The following GRTP1 variants were observed in gnomAD, a reference collection of about 807,000 sequenced individuals.
The protein encoded by GRTP1 is growth hormone regulated TBC protein 1.
A neutral mutation model predicts 38.1 loss-of-function variants in GRTP1; 56 were observed. That is an observed-to-expected ratio of 1.47 (90% confidence interval 1.19 to 1.84). GRTP1 has a LOEUF of 1.84. Among genes scored for constraint, GRTP1 ranks in the 40% most tolerant of loss-of-function variants. The probability of loss-of-function intolerance (pLI) is 0.00; values close to 1 mark genes in which losing one functional copy is unlikely to be tolerated. For missense variants in GRTP1, 506 were observed against 453.9 expected, an observed-to-expected ratio of 1.11 and a Z score of -1.04; for synonymous variants, 217 against 189.5, an observed-to-expected ratio of 1.14 and a Z score of -1.19.
intron 4 of GRTP1, among the ~76,000 whole-genome samples, chr13:113,346,036 A>AGGAGCACC (rs2043104702): frequency 3.3e-5 from 1 of 30,338 alleles, no homozygotes; most frequent in African/African-American, 1.2e-4. Flanking sequence ...CTGGGAAGAC[A>AGGAGCACC]TCTGTGGCCG....
At chr13:113,335,403 A>G (rs957202622) in intron 5 of GRTP1, among the ~76,000 whole-genome samples, 9 of 147,742 alleles carry the variant, frequency 6.1e-5, no homozygotes, top group African/African-American at 2.2e-4. Context: ...AGCCTGAGAG[A>G]CAGAGCGGGA....
At chr13:113,337,134 A>G (rs767855601) in intron 5 of GRTP1, among the ~76,000 whole-genome samples, 1 of 151,654 alleles carries the variant, frequency 6.6e-6, no homozygotes, top group Non-Finnish European at 1.5e-5. Context: ...TCTGTACTCA[A>G]AATAAAAAAA....
chr13:113,361,101 C>CT (rs1299766880), intron 2 of GRTP1, among the ~76,000 whole-genome samples: 1 of 84,416 alleles, frequency 1.2e-5, no homozygotes, highest in East Asian at 3.6e-4. Context: ...CAGAGCTAGA[C>CT]TTTGACTCAA....
At chr13:113,328,994 A>T (rs1050047723) in intron 5 of GRTP1, among the ~76,000 whole-genome samples, 1 of 152,260 alleles carries the variant, frequency 6.6e-6, no homozygotes, top group East Asian at 1.9e-4. Flanking sequence ...CCTGCCCAGA[A>T]GCCTGAAGGT....
intron 4 of GRTP1, among the ~76,000 whole-genome samples, chr13:113,350,616 C>A (rs1366162470): frequency 4.6e-5 from 7 of 152,126 alleles, no homozygotes; most frequent in Non-Finnish European, 1.0e-4. Context: ...AGCACTCGCC[C>A]TCTGTGTCCC....
intron 5 of GRTP1, among the ~76,000 whole-genome samples, chr13:113,339,061 A>G (rs1307508704): frequency 3.3e-5 from 5 of 151,878 alleles, no homozygotes; most frequent in Non-Finnish European, 7.4e-5. Flanking sequence ...TTACAGGTGC[A>G]CTGCACCATG....
At chr13:113,354,819 GC>G (rs1197913271) in intron 3 of GRTP1, among the ~76,000 whole-genome samples, 5 of 152,216 alleles carry the variant, frequency 3.3e-5, no homozygotes, top group African/African-American at 1.2e-4. Context: ...GAGCCACCGC[GC>G]CCGGCCTTAG....
intron 7 of GRTP1, chr13:113,325,171 C>T: frequency 9.5e-7 from 1 of 1,051,582 alleles, no homozygotes; most frequent in Non-Finnish European, 1.1e-6. Flanking sequence ...TGCTGAAATA[C>T]CGCCCACGTT....
chr13:113,345,445 G>T (rs1396807737), intron 4 of GRTP1, among the ~76,000 whole-genome samples: 1 of 152,276 alleles, frequency 6.6e-6, no homozygotes, highest in African/African-American at 2.4e-5. Flanking sequence ...AAGGGCGGGT[G>T]CTGCCTCCAA....
At chr13:113,346,252 CCGAGAGCAGATCCGGGAGG>C (rs2043127206) in intron 4 of GRTP1, among the ~76,000 whole-genome samples, 20 of 81,232 alleles carry the variant, frequency 2.5e-4, no homozygotes, top group Admixed American at 3.7e-4. Flanking sequence ...ACCTCTGTGG[CCGAGAGCAGATCCGGGAGG>C]ACCTCTGTGG....
intron 5 of GRTP1, among the ~76,000 whole-genome samples, chr13:113,340,258 T>C (rs961809535): frequency 1.4e-4 from 21 of 152,056 alleles, no homozygotes; most frequent in Non-Finnish European, 5.9e-5. Flanking sequence ...GGAGGACTAC[T>C]TGAGGCCAGG....
rs1313850596 is a variant in GRTP1 at position 113,343,977 on chromosome 13, C to T, written c.562+886G>A. ...GTCTGCACTGGCCTTCACCATAACC[C>T]GTGGATAACTTATCCACTAATAAAT... is the stretch of plus-strand genomic sequence containing the variant. On this transcript the variant is annotated intron_variant, in intron 5 of 7. Transcript: ENST00000375431. The surrounding 1 kb of genome is among the most constrained non-coding windows in gnomAD (Gnocchi z 4.8). Among the ~76,000 whole-genome samples the T allele has an allele frequency of 2.0e-5, 3 of 152,064 alleles. No homozygotes were observed. Among genetic ancestry groups the T allele is most frequent in the South Asian group, 2.1e-4 (1 of 4,816 alleles).
intron 5 of GRTP1, among the ~76,000 whole-genome samples, chr13:113,330,771 C>A (rs1160626808): frequency 0.56 from 19 of 34 alleles, 9 homozygotes; most frequent in Admixed American, 1. Context: ...TGCGTGGAAA[C>A]TCAGGTGCGT....
At position 113,342,322 on chromosome 13, in the gene GRTP1, G is replaced by A. The variant is rs929920947; in HGVS notation, c.562+2541C>T. ...AGATCGAGACCATCCTGGCTAACAC[G>A]GTGAAACCCCATCTCTACTAAAAAT... On this transcript the variant is annotated intron_variant, in intron 5 of 7. Transcript: ENST00000375431. The surrounding 1 kb of genome is among the most constrained non-coding windows in gnomAD (Gnocchi z 4.5). Among the ~76,000 whole-genome samples the A allele has an allele frequency of 1.4e-4, 22 of 151,912 alleles. No individual in the cohort carries two copies. Among genetic ancestry groups the A allele is most frequent in the East Asian group, 1.9e-4 (1 of 5,166 alleles).
At chr13:113,347,441 T>C (rs80251078) in intron 4 of GRTP1, among the ~76,000 whole-genome samples, 53 of 80,656 alleles carry the variant, frequency 6.6e-4, no homozygotes, top group African/African-American at 2.0e-3. Flanking sequence ...CCTCTGTGGC[T>C]GAGAGCAGAC....
chr13:113,334,280 A>ACTGCCCCCCCCCCCCCCCCCCCGCC (rs1202504022), intron 5 of GRTP1, among the ~76,000 whole-genome samples: 5 of 142,470 alleles, frequency 3.5e-5, no homozygotes, highest in Admixed American at 7.3e-5. Flanking sequence ...CACTGCCACG[A>ACTGCCCCCCCCCCCCCCCCCCCGCC]CAGCCTCCCG....
At chr13:113,346,138 G>GGACCTCTGTGCCTGA (rs2043114259) in intron 4 of GRTP1, among the ~76,000 whole-genome samples, 1 of 134,992 alleles carries the variant, frequency 7.4e-6, no homozygotes, top group Non-Finnish European at 1.6e-5. Context: ...GTGGACAAGA[G>GGACCTCTGTGCCTGA]CAGACCCGGG....
At chr13:113,357,659 A>G (rs1219304826) in intron 2 of GRTP1, among the ~76,000 whole-genome samples, 3 of 152,158 alleles carry the variant, frequency 2.0e-5, no homozygotes, top group Admixed American at 1.3e-4. Context: ...AGTTAGTACG[A>G]TTCATACTGA....
At chr13:113,354,497 T>G (rs1221510613) in intron 3 of GRTP1, among the ~76,000 whole-genome samples, 1 of 152,234 alleles carries the variant, frequency 6.6e-6, no homozygotes, top group Non-Finnish European at 1.5e-5. Flanking sequence ...GCAGATGTAC[T>G]TTCTAAAAAT....
Sources: allele counts gnomAD v4.1 joint callset (sites outside exome capture counted in the v4.1 genomes callset), GRCh38; gene constraint gnomAD v4.1.1; non-coding constraint Gnocchi (gnomAD v3.1); transcripts MANE v1.5; gene names NCBI Gene and HGNC (gene_info 2026-07-23, HGNC 2026-07-21).